RPH3AL: variants seen among roughly 807,000 people sequenced by gnomAD.
RPH3AL encodes the protein rab effector Noc2.
In RPH3AL, 38 loss-of-function variants were observed where a neutral mutation model predicts 43.1. The ratio of observed to expected loss-of-function variants is 0.88; its 90% CI spans 0.68 to 1.15. RPH3AL has a LOEUF of 1.15. Among genes scored for constraint, RPH3AL ranks in the 50% most tolerant of loss-of-function variants. The pLI is 0.00. For synonymous variants in RPH3AL, 189 were observed against 176.3 expected, an observed-to-expected ratio of 1.07 and a Z score of -0.57; for missense variants, 462 against 423.2, an observed-to-expected ratio of 1.09 and a Z score of -0.81.
intron 6 of RPH3AL, among the ~76,000 whole-genome samples, chr17:253,263 G>A (rs781966075): frequency 1.3e-5 from 2 of 152,156 alleles, no homozygotes; most frequent in Non-Finnish European, 2.9e-5. Context: ...GCCAGTCAAG[G>A]CCCTGTTTAA....
At position 333,621 on chromosome 17, in the gene RPH3AL, A is replaced by G. The variant is rs2044861576; in HGVS notation, c.-37+138T>C. On this transcript the variant is annotated intron_variant, in intron 2 of 9. Coordinates refer to ENST00000331302, the MANE Select transcript of RPH3AL (RefSeq NM_006987.4). This position sits in a 1 kb window ranked among gnomAD's most constrained non-coding sequence, Gnocchi z 4.5. ...TTACCATCTTCCTGTTTGGGAGCAC[A>G]TGGATTGTTTCCAATTTTGCTCGAT... 8.6e-6 allele frequency: 2 copies of G among 232,922 alleles called. No individual in the cohort carries two copies. Among genetic ancestry groups the G allele is most frequent in the South Asian group, 5.8e-5 (1 of 17,112 alleles). The allele number at this position is 232,922 out of a possible 1,614,324, so 14.4% of individuals were successfully genotyped here.
Position 272,280 on chromosome 17 carries a change from A to T in RPH3AL, c.438+9488T>A, listed in dbSNP as rs1276807940. 2.2e-4 allele frequency among the ~76,000 whole-genome samples: 34 copies of T among 152,264 alleles called. No homozygotes were observed. In the South Asian group the frequency reaches 6.6e-3, roughly 30 times the overall value. ...GTATATACCCAAAGGACTATAAATC[A>T]TGCTGCTATAAAGACACATGCACAC... On this transcript the variant is annotated intron_variant, in intron 6 of 9. Transcript: ENST00000331302.
At chr17:337,687 G>A (rs1033111301) in intron 1 of RPH3AL, among the ~76,000 whole-genome samples, 12 of 152,320 alleles carry the variant, frequency 7.9e-5, no homozygotes, top group East Asian at 3.9e-4. Flanking sequence ...CCTTGGCCTC[G>A]TTCATTCAAC....
At chr17:285,203 G>A (rs529021133) in intron 5 of RPH3AL, among the ~76,000 whole-genome samples, 5 of 136,962 alleles carry the variant, frequency 3.7e-5, no homozygotes, top group African/African-American at 9.9e-5. Context: ...CGGTCCCCCT[G>A]AGCCTGCACC....
chr17:252,387 C>G (rs1481886703), intron 6 of RPH3AL, among the ~76,000 whole-genome samples: 1 of 152,172 alleles, frequency 6.6e-6, no homozygotes, highest in Admixed American at 6.5e-5. Flanking sequence ...AGACGCCCTG[C>G]TGACCATGGC....
rs2044543456 is a variant in RPH3AL at position 323,787 on chromosome 17, GTCACCCCGAGGCAGGCCCGGACCCTCCA to G, written c.78-2400_78-2373del. The stretch of plus-strand genomic sequence containing the variant: ...AGATGTCTTCCATCGGACCCTCACA[GTCACCCCGAGGCAGGCCCGGACCCTCCA>G]TCACCCCGCGAGACAGTCCAGACCC... On this transcript the variant is annotated intron_variant, in intron 3 of 9. Transcript: ENST00000331302. The surrounding 1 kb of genome is among the most constrained non-coding windows in gnomAD (Gnocchi z 4.4). Among the ~76,000 whole-genome samples the G allele has an allele frequency of 6.6e-6, 1 of 152,060 alleles. No homozygotes were observed. The highest frequency in any genetic ancestry group is 2.4e-5 in the African/African-American group (1 of 41,380).
At chr17:267,081 T>C (rs1359144867) in intron 6 of RPH3AL, among the ~76,000 whole-genome samples, 1 of 152,252 alleles carries the variant, frequency 6.6e-6, no homozygotes, top group East Asian at 1.9e-4. Flanking sequence ...GAAAGGTCCC[T>C]ACAAGCTGCT....
At chr17:218,375 G>C (rs2040864218) in intron 8 of RPH3AL, among the ~76,000 whole-genome samples, 3 of 138,684 alleles carry the variant, frequency 2.2e-5, no homozygotes, top group Admixed American at 1.4e-4. Context: ...GCTAAAATTG[G>C]CCTCACTGGA....
rs570039911 is a variant in RPH3AL, at chr17:324,310, C to T, written c.78-2895G>A. ...TGCTCCGCCTCCGGGCCCCAGTCAT[C>T]CACGTCCTCTCATCTCACCTGCTGC... On this transcript the variant is annotated intron_variant, in intron 3 of 9. Transcript: ENST00000331302. Among the ~76,000 whole-genome samples the T allele has an allele frequency of 3.9e-5, 6 of 152,336 alleles. No homozygotes were observed. In the South Asian group the frequency reaches 8.3e-4, roughly 21 times the overall value.
At chr17:227,400 G>A (rs886892508) in intron 7 of RPH3AL, among the ~76,000 whole-genome samples, 1 of 152,196 alleles carries the variant, frequency 6.6e-6, no homozygotes, top group Non-Finnish European at 1.5e-5. Flanking sequence ...CAGCTGTCCT[G>A]TGGAGAGGCC....
chr17:314,802 A>G (rs62053698), intron 5 of RPH3AL, among the ~76,000 whole-genome samples: 200 of 1,218 alleles, frequency 0.16, 6 homozygotes, highest in African/African-American at 0.25. Flanking sequence ...TAGTCCCTGT[A>G]CTCCACGTCC....
intron 6 of RPH3AL, among the ~76,000 whole-genome samples, chr17:261,184 G>A (rs181675110): frequency 9.3e-4 from 142 of 152,358 alleles, no homozygotes; most frequent in African/African-American, 3.0e-3. Context: ...CAGGCTCCTC[G>A]AGGGTGCTGG....
chr17:333,622 T>C lies in RPH3AL; in HGVS notation c.-37+137A>G, dbSNP rs926880013. On this transcript the variant is annotated intron_variant, in intron 2 of 9. Transcript: ENST00000331302. The surrounding 1 kb of genome is among the most constrained non-coding windows in gnomAD (Gnocchi z 4.5). ...TACCATCTTCCTGTTTGGGAGCACATGGATTGTTTCCAATTTTGCTCGATT... is the reference window on the plus strand; with the variant it reads ...TACCATCTTCCTGTTTGGGAGCACACGGATTGTTTCCAATTTTGCTCGATT... The C allele has an allele frequency of 8.6e-6, 2 of 232,384 alleles. No individual in the cohort carries two copies. The highest frequency in any genetic ancestry group is 4.4e-5 in the African/African-American group (2 of 45,222). The allele number at this position is 232,384 out of a possible 1,614,324, so 14.4% of individuals were successfully genotyped here. A position where few individuals can be genotyped will look rare whatever the true frequency, so the allele number is the denominator to read the frequency against.
chr17:285,926 G>A (rs1024728979), intron 5 of RPH3AL, among the ~76,000 whole-genome samples: 10 of 152,052 alleles, frequency 6.6e-5, no homozygotes, highest in African/African-American at 1.9e-4. Flanking sequence ...ACCATCACCC[G>A]CTGAGCACCC....
intron 3 of RPH3AL, among the ~76,000 whole-genome samples, chr17:324,321 C>T (rs1352959473): frequency 6.6e-6 from 1 of 152,202 alleles, no homozygotes; most frequent in East Asian, 1.9e-4. Flanking sequence ...CACGTCCTCT[C>T]ATCTCACCTG....
rs143288190 is a variant in RPH3AL, at chr17:236,465, G to A, written c.613+10646C>T. Among the ~76,000 whole-genome samples the A allele has an allele frequency of 3.6e-4, 54 of 150,174 alleles. No individual in the cohort carries two copies. The East Asian group carries it at 1.0e-2, about 28-fold the overall frequency. On this transcript the variant is annotated intron_variant, in intron 7 of 9. Coordinates refer to ENST00000331302, the MANE Select transcript of RPH3AL (RefSeq NM_006987.4). ...CTATCGGACACTGGCCACGCCATCC[G>A]TTATGTTTGACTATCGGACACAGAA...
At chr17:279,752 C>T (rs915186568) in intron 6 of RPH3AL, among the ~76,000 whole-genome samples, 5 of 152,216 alleles carry the variant, frequency 3.3e-5, no homozygotes, top group Non-Finnish European at 5.9e-5. Flanking sequence ...AAGGAATTTC[C>T]TCTTCCATGG....
chr17:226,037 T>C (rs1261729619), intron 7 of RPH3AL, among the ~76,000 whole-genome samples: 1 of 152,214 alleles, frequency 6.6e-6, no homozygotes, highest in Admixed American at 6.5e-5. Flanking sequence ...GGACGGCGTT[T>C]GTTATGAGTC....
At position 290,886 on chromosome 17, in the gene RPH3AL, C is replaced by T. The variant is rs2043032719; in HGVS notation, c.352-9032G>A. Reference sequence around the variant, plus strand: ...CGGGACAGCTTCACAGCGTCACCATCCATGGCACAGAGAGGGCTGTTCATG... The same window carrying T: ...CGGGACAGCTTCACAGCGTCACCATTCATGGCACAGAGAGGGCTGTTCATG... On this transcript the variant is annotated intron_variant, in intron 5 of 9. Transcript: ENST00000331302. The surrounding 1 kb of genome is among the most constrained non-coding windows in gnomAD (Gnocchi z 4.2). 1.3e-5 allele frequency among the ~76,000 whole-genome samples: 2 copies of T among 152,162 alleles called. No homozygotes were observed. The highest frequency in any genetic ancestry group is 6.5e-5 in the Admixed American group (1 of 15,284).
Sources: allele counts gnomAD v4.1 joint callset (sites outside exome capture counted in the v4.1 genomes callset), GRCh38; gene constraint gnomAD v4.1.1; non-coding constraint Gnocchi (gnomAD v3.1); transcripts MANE v1.5; gene names NCBI Gene and HGNC (gene_info 2026-07-23, HGNC 2026-07-21).